RBFOX1: variants seen among roughly 807,000 people sequenced by gnomAD.
The protein encoded by RBFOX1 is RNA binding fox-1 homolog 1, also known as RNA binding protein fox-1 homolog 1.
A neutral mutation model predicts 57.7 loss-of-function variants in RBFOX1; 8 were observed. That is an observed-to-expected ratio of 0.14 (90% CI 0.08 to 0.25). The LOEUF (loss-of-function observed/expected upper bound fraction) is 0.25. Ranked by LOEUF, RBFOX1 falls within the 10% of genes least tolerant of loss-of-function variation. The pLI, the probability that RBFOX1 is intolerant of heterozygous loss-of-function variation, is 1.00. For synonymous variants in RBFOX1, 326 were observed against 222.4 expected (o/e 1.47, Z -4.15); for missense variants, 611 against 548.5 (o/e 1.11, Z -1.14).
intron 1 of RBFOX1, among the ~76,000 whole-genome samples, chr16:5,456,365 T>A (rs868012719): frequency 6.6e-6 from 1 of 152,222 alleles, no homozygotes; most frequent in Non-Finnish European, 1.5e-5. Context: ...TTGTCTGTCA[T>A]CATGTTTTCC....
intron 10 of RBFOX1, among the ~76,000 whole-genome samples, chr16:7,617,145 G>A (rs2058576327): frequency 6.6e-6 from 1 of 152,162 alleles, no homozygotes; most frequent in African/African-American, 2.4e-5. Flanking sequence ...AGAATGTACA[G>A]CTTGTTAGCT....
At chr16:5,774,542 A>C (rs981479241) in intron 3 of RBFOX1, among the ~76,000 whole-genome samples, 1 of 152,206 alleles carries the variant, frequency 6.6e-6, no homozygotes, top group African/African-American at 2.4e-5. Flanking sequence ...CACATATCCT[A>C]GTAAGTAGTA....
At chr16:5,622,911 A>G (rs2048241104) in intron 3 of RBFOX1, among the ~76,000 whole-genome samples, 1 of 152,250 alleles carries the variant, frequency 6.6e-6, no homozygotes, top group Non-Finnish European at 1.5e-5. Flanking sequence ...ACACAGTATA[A>G]CAACTCTTTA....
intron 1 of RBFOX1, among the ~76,000 whole-genome samples, chr16:5,338,921 A>T (rs1458436661): frequency 6.6e-6 from 1 of 152,086 alleles, no homozygotes; most frequent in Non-Finnish European, 1.5e-5. Flanking sequence ...ACAAGATTGT[A>T]TTTATGGTGT....
Position 7,390,946 on chromosome 16 carries a change from C to T in RBFOX1, c.28-127201C>T, listed in dbSNP as rs569055326. On this transcript the variant is annotated intron_variant, in intron 4 of 15. Transcript: ENST00000550418. ...CAGGGAGAAGGATTTTTTTTACTGC[C>T]TGTTTTGCTTGTGTGGCTTGGAACA... 5.9e-5 allele frequency among the ~76,000 whole-genome samples: 9 copies of T among 151,896 alleles called. No homozygotes were observed. In the East Asian group the frequency reaches 1.7e-3, roughly 29 times the overall value.
At chr16:6,370,362 GAAAAAAAAAAAAAAAA>G (rs71145221) in intron 2 of RBFOX1, among the ~76,000 whole-genome samples, 2 of 81,976 alleles carry the variant, frequency 2.4e-5, no homozygotes, top group East Asian at 4.5e-4. Context: ...CGTCTCAAAA[GAAAAAAAAAAAAAAAA>G]AAAAAAAAAA....
chr16:6,499,248 A>G (rs1026470622), intron 2 of RBFOX1, among the ~76,000 whole-genome samples: 1 of 152,176 alleles, frequency 6.6e-6, no homozygotes, highest in Non-Finnish European at 1.5e-5. Flanking sequence ...TGGTGATGCA[A>G]GGAATTTGAA....
At chr16:5,362,472 C>T (rs1317790088) in intron 1 of RBFOX1, among the ~76,000 whole-genome samples, 1 of 152,238 alleles carries the variant, frequency 6.6e-6, no homozygotes, top group Non-Finnish European at 1.5e-5. Context: ...AAGCGATTCT[C>T]CTGCCTCAGT....
intron 4 of RBFOX1, among the ~76,000 whole-genome samples, chr16:7,215,532 C>G (rs113532146): frequency 1.3e-5 from 2 of 152,044 alleles, no homozygotes; most frequent in African/African-American, 4.8e-5. Flanking sequence ...GCAAAATTCA[C>G]CCATTTTAAG....
intron 4 of RBFOX1, among the ~76,000 whole-genome samples, chr16:7,188,303 T>G (rs2084429128): frequency 6.6e-6 from 1 of 152,246 alleles, no homozygotes; most frequent in African/African-American, 2.4e-5. Context: ...ATGAAGAAAC[T>G]GTTGTACATC....
chr16:7,029,083 C>CAT (rs1335394204), intron 3 of RBFOX1, among the ~76,000 whole-genome samples: 12 of 6,710 alleles, frequency 1.8e-3, no homozygotes, highest in Non-Finnish European at 3.2e-3. Flanking sequence ...TATATATATA[C>CAT]ACACACACAC....
At chr16:7,353,655 A>T (rs552546441) in intron 4 of RBFOX1, among the ~76,000 whole-genome samples, 1 of 152,240 alleles carries the variant, frequency 6.6e-6, no homozygotes, top group Non-Finnish European at 1.5e-5. Context: ...TACATGCTGT[A>T]GTGTGGATGA....
At chr16:6,885,071 A>G (rs1013741151) in intron 3 of RBFOX1, among the ~76,000 whole-genome samples, 17 of 152,186 alleles carry the variant, frequency 1.1e-4, no homozygotes, top group African/African-American at 3.1e-4. Flanking sequence ...CTCCTGCAGA[A>G]ACTGATACAG....
chr16:5,652,651 T>A (rs758168181), intron 3 of RBFOX1, among the ~76,000 whole-genome samples: 1 of 152,156 alleles, frequency 6.6e-6, no homozygotes, highest in Non-Finnish European at 1.5e-5. Flanking sequence ...ATTCAGAAGC[T>A]TAGCTGGGAA....
At chr16:6,718,098 C>A (rs1057471929) in intron 3 of RBFOX1, among the ~76,000 whole-genome samples, 2 of 152,170 alleles carry the variant, frequency 1.3e-5, no homozygotes, top group Admixed American at 1.3e-4. Flanking sequence ...CTACTTCTTA[C>A]CCATCTGGTG....
intron 4 of RBFOX1, among the ~76,000 whole-genome samples, chr16:7,265,623 A>G (rs1474226400): frequency 3.3e-5 from 5 of 151,372 alleles, no homozygotes; most frequent in African/African-American, 9.7e-5. Flanking sequence ...TAATTTTTGT[A>G]TTTTTAGTAG....
intron 2 of RBFOX1, among the ~76,000 whole-genome samples, chr16:6,615,829 C>G (rs1038642424): frequency 1.3e-5 from 2 of 152,172 alleles, no homozygotes; most frequent in Non-Finnish European, 2.9e-5. Flanking sequence ...CATTTCCCTT[C>G]TCACAGGCAC....
intron 4 of RBFOX1, among the ~76,000 whole-genome samples, chr16:7,498,299 C>T (rs926817750): frequency 6.6e-6 from 1 of 152,072 alleles, no homozygotes; most frequent in African/African-American, 2.4e-5. Context: ...TTTAAATAGT[C>T]TAAGTTCAAT....
At chr16:7,405,302 C>A (rs1005160484) in intron 4 of RBFOX1, among the ~76,000 whole-genome samples, 1 of 152,200 alleles carries the variant, frequency 6.6e-6, no homozygotes, top group Non-Finnish European at 1.5e-5. Context: ...TGGTAGCCCC[C>A]CCGCTGCAAA....
Sources: gnomAD v4.1 joint callset for allele counts (sites outside exome capture counted in the v4.1 genomes callset) on GRCh38, gnomAD v4.1.1 for gene constraint, MANE v1.5 for transcripts, NCBI Gene and HGNC (gene_info 2026-07-23, HGNC 2026-07-21) for gene names.